Variants in CADM1 observed in about 807,000 individuals in gnomAD.
The protein encoded by CADM1 is cell adhesion molecule 1.
A neutral mutation model predicts 53.1 loss-of-function variants in CADM1; 15 were observed. That is an observed-to-expected ratio of 0.28 (90% CI 0.19 to 0.44). CADM1 has a LOEUF of 0.44. Ranked by LOEUF, CADM1 falls within the 20% of genes least tolerant of loss-of-function variation. The pLI, the probability that CADM1 is intolerant of heterozygous loss-of-function variation, is 1.00. For synonymous variants in CADM1, 281 were observed against 243.0 expected (o/e 1.16, Z -1.45); for missense variants, 434 against 611.3 (o/e 0.71, Z 3.06).
intron 1 of CADM1, among the ~76,000 whole-genome samples, chr11:115,320,914 T>C: frequency 6.6e-6 from 1 of 152,174 alleles, no homozygotes; most frequent in Non-Finnish European, 1.5e-5. Context: ...GAATTCCAAA[T>C]CTAGTCTTCC....
intron 5 of CADM1, among the ~76,000 whole-genome samples, chr11:115,226,188 A>C (rs1432586557): frequency 6.6e-6 from 1 of 152,192 alleles, no homozygotes; most frequent in Non-Finnish European, 1.5e-5. Context: ...ATATATAACA[A>C]ATGAAATGTG....
chr11:115,503,563 C>A (rs1288681415), intron 1 of CADM1, among the ~76,000 whole-genome samples: 1 of 152,058 alleles, frequency 6.6e-6, no homozygotes, highest in Non-Finnish European at 1.5e-5. Context: ...CAGCGGCCGC[C>A]CCCCCCGCGG....
At chr11:115,393,690 T>G (rs1186612609) in intron 1 of CADM1, among the ~76,000 whole-genome samples, 1 of 152,082 alleles carries the variant, frequency 6.6e-6, no homozygotes, top group Non-Finnish European at 1.5e-5. Flanking sequence ...TTAAAATTTG[T>G]ATCTTAAAAT....
chr11:115,375,134 G>A (rs995373790), intron 1 of CADM1, among the ~76,000 whole-genome samples: 1 of 152,112 alleles, frequency 6.6e-6, no homozygotes, highest in African/African-American at 2.4e-5. Flanking sequence ...TTGGGGGAGT[G>A]GGTGAGATTA....
chr11:115,241,244 A>G (rs1942219070), intron 1 of CADM1, among the ~76,000 whole-genome samples: 1 of 152,198 alleles, frequency 6.6e-6, no homozygotes, highest in Admixed American at 6.5e-5. Flanking sequence ...AAATGTCCTA[A>G]ATGATCCACC....
At position 115,295,549 on chromosome 11, in the gene CADM1, T is replaced by A. The variant is rs10891824; in HGVS notation, c.125-55129A>T. On this transcript the variant is annotated intron_variant, in intron 1 of 11. Transcript: ENST00000331581. Reference sequence around the variant, plus strand: ...ATATATATATATATATATATATATATAATATATATGTATATGCACATATAT... The same window carrying A: ...ATATATATATATATATATATATATAAAATATATATGTATATGCACATATAT... Among the ~76,000 whole-genome samples the A allele has an allele frequency of 3.6e-3, 184 of 51,718 alleles. 1 individual carries two copies. The East Asian group carries it at 0.051, about 14-fold the overall frequency. The allele number at this position is 51,718 out of a possible 152,430, so 33.9% of individuals were successfully genotyped here. A position where few individuals can be genotyped will look rare whatever the true frequency, so the allele number is the denominator to read the frequency against.
At chr11:115,191,980 T>G (rs1043367732) in intron 9 of CADM1, among the ~76,000 whole-genome samples, 1 of 152,230 alleles carries the variant, frequency 6.6e-6, no homozygotes, top group African/African-American at 2.4e-5. Context: ...ATCTTTCCCT[T>G]CTGCTACAGC....
At chr11:115,404,122 T>A (rs1424525424) in intron 1 of CADM1, among the ~76,000 whole-genome samples, 19 of 147,686 alleles carry the variant, frequency 1.3e-4, no homozygotes, top group Non-Finnish European at 6.0e-5. Context: ...GGTCAGATGT[T>A]CGAGACCAGC....
At chr11:115,441,106 G>A (rs1948298983) in intron 1 of CADM1, among the ~76,000 whole-genome samples, 1 of 151,664 alleles carries the variant, frequency 6.6e-6, no homozygotes, top group African/African-American at 2.4e-5. Context: ...ATATGGACAT[G>A]GTGTTTTTTC....
intron 1 of CADM1, among the ~76,000 whole-genome samples, chr11:115,422,322 A>C (rs1345075725): frequency 6.6e-6 from 1 of 152,186 alleles, no homozygotes; most frequent in Non-Finnish European, 1.5e-5. Flanking sequence ...TGTAAAAATC[A>C]GGTGTGAATA....
intron 1 of CADM1, among the ~76,000 whole-genome samples, chr11:115,467,787 A>G (rs1411414712): frequency 2.0e-5 from 3 of 152,354 alleles, no homozygotes; most frequent in East Asian, 3.9e-4. Context: ...CTCTTCAGCA[A>G]GCCAAGGCAA....
At chr11:115,367,566 C>T (rs1294611656) in intron 1 of CADM1, among the ~76,000 whole-genome samples, 1 of 152,088 alleles carries the variant, frequency 6.6e-6, no homozygotes, top group Non-Finnish European at 1.5e-5. Flanking sequence ...GAACACGAAT[C>T]CCACTGCCCA....
At chr11:115,450,353 T>C (rs1167410617) in intron 1 of CADM1, among the ~76,000 whole-genome samples, 1 of 152,202 alleles carries the variant, frequency 6.6e-6, no homozygotes, top group Non-Finnish European at 1.5e-5. Flanking sequence ...CTTCCAGGCC[T>C]CCCACAGTTT....
intron 1 of CADM1, among the ~76,000 whole-genome samples, chr11:115,470,535 T>C (rs1299418219): frequency 6.6e-6 from 1 of 152,208 alleles, no homozygotes; most frequent in Non-Finnish European, 1.5e-5. Context: ...TCAAGTAATA[T>C]TTCTTACCAT....
At chr11:115,279,296 A>G (rs1565340492) in intron 1 of CADM1, among the ~76,000 whole-genome samples, 1 of 152,178 alleles carries the variant, frequency 6.6e-6, no homozygotes. Context: ...AATGCCTACC[A>G]ATGGGTTGTC....
chr11:115,475,837 A>G (rs1949118854), intron 1 of CADM1, among the ~76,000 whole-genome samples: 1 of 152,234 alleles, frequency 6.6e-6, no homozygotes, highest in Admixed American at 6.5e-5. Flanking sequence ...AGGAAACTGT[A>G]TATTGACTGT....
rs528143634 is a variant in CADM1, at chr11:115,178,236, TA to T, written c.1297+407del. Among the ~76,000 whole-genome samples the T allele has an allele frequency of 3.3e-5, 5 of 152,304 alleles. No homozygotes were observed. In the South Asian group the frequency reaches 8.3e-4, roughly 25 times the overall value. On this transcript the variant is annotated intron_variant, in intron 11 of 11. Transcript: ENST00000331581. ...TTACACAGAGTCTGGGGACAGGGGA[TA>T]GGGGGAAATCCTCTGCCTCCCAGAA...
chr11:115,468,592 G>A (rs1948944277), intron 1 of CADM1, among the ~76,000 whole-genome samples: 1 of 152,162 alleles, frequency 6.6e-6, no homozygotes, highest in Non-Finnish European at 1.5e-5. Flanking sequence ...AGGCAAAAGG[G>A]TCTATGGATA....
At chr11:115,474,819 C>G (rs1044965703) in intron 1 of CADM1, among the ~76,000 whole-genome samples, 6 of 152,024 alleles carry the variant, frequency 3.9e-5, no homozygotes, top group Non-Finnish European at 5.9e-5. Context: ...GCACGTTGTG[C>G]ACATGTACCC....
Sources: allele counts gnomAD v4.1 joint callset (sites outside exome capture counted in the v4.1 genomes callset), GRCh38; gene constraint gnomAD v4.1.1; transcripts MANE v1.5; gene names NCBI Gene and HGNC (gene_info 2026-07-23, HGNC 2026-07-21).